The following WDR25 variants were observed in gnomAD, a reference collection of about 807,000 sequenced individuals.
The protein encoded by WDR25 is WD repeat domain 25.
In WDR25, 35 loss-of-function variants were observed where a neutral mutation model predicts 47.7. The ratio of observed to expected loss-of-function variants is 0.73; its 90% CI spans 0.56 to 0.97. The LOEUF is 0.97. Among genes scored for constraint, WDR25 ranks in the 50% least tolerant of loss-of-function variants. The pLI, the probability that WDR25 is intolerant of heterozygous loss-of-function variation, is 0.00. For missense variants in WDR25, 634 were observed against 704.7 expected, an observed-to-expected ratio of 0.90 and a Z score of 1.14; for synonymous variants, 248 against 278.9, an observed-to-expected ratio of 0.89 and a Z score of 1.10.
chr14:100,436,012 G>T (rs755911791), intron 2 of WDR25, among the ~76,000 whole-genome samples: 129 of 152,182 alleles, frequency 8.5e-4, no homozygotes, highest in Admixed American at 2.1e-3. Context: ...GGCCTTAATT[G>T]TCTTCTCTGT....
chr14:100,434,682 G>T (rs2140236989), intron 2 of WDR25, among the ~76,000 whole-genome samples: 1 of 152,244 alleles, frequency 6.6e-6, no homozygotes, highest in South Asian at 2.1e-4. Flanking sequence ...CAAAAGGCAG[G>T]TCTGTACAAA....
chr14:100,421,456 C>G (rs555037652), intron 2 of WDR25, among the ~76,000 whole-genome samples: 1 of 152,328 alleles, frequency 6.6e-6, no homozygotes, highest in East Asian at 1.9e-4. Context: ...CCCTATCACA[C>G]TGTTACCCTT....
At chr14:100,400,375 G>T (rs1595501151) in intron 2 of WDR25, among the ~76,000 whole-genome samples, 1 of 152,354 alleles carries the variant, frequency 6.6e-6, no homozygotes, top group Non-Finnish European at 1.5e-5. Flanking sequence ...GATGGTGGCA[G>T]CCTTGCTGCA....
At chr14:100,396,675 C>T (rs1390783196) in intron 2 of WDR25, among the ~76,000 whole-genome samples, 1 of 152,160 alleles carries the variant, frequency 6.6e-6, no homozygotes, top group Non-Finnish European at 1.5e-5. Context: ...TCTCAGCTGC[C>T]CAGGGAGGAG....
intron 2 of WDR25, among the ~76,000 whole-genome samples, chr14:100,452,590 A>T (rs1899071456): frequency 6.6e-6 from 1 of 151,574 alleles, no homozygotes; most frequent in Non-Finnish European, 1.5e-5. Context: ...GAGGGGGAAG[A>T]TGCTGGAGTG....
chr14:100,427,543 G>A (rs191811962), intron 2 of WDR25, among the ~76,000 whole-genome samples: 3 of 152,270 alleles, frequency 2.0e-5, no homozygotes, highest in Admixed American at 6.5e-5. Context: ...GAGTAGGTGC[G>A]GGCCTTGGAG....
intron 2 of WDR25, among the ~76,000 whole-genome samples, chr14:100,442,559 C>A (rs1898703244): frequency 6.6e-6 from 1 of 152,202 alleles, no homozygotes; most frequent in Non-Finnish European, 1.5e-5. Flanking sequence ...GGTGATCTGT[C>A]CCCTTGTATC....
intron 3 of WDR25, among the ~76,000 whole-genome samples, chr14:100,480,039 C>T (rs1307614849): frequency 2.0e-5 from 3 of 152,146 alleles, no homozygotes; most frequent in East Asian, 3.8e-4. Flanking sequence ...CCAAAAAGGT[C>T]GGGGACTGCT....
Position 100,428,537 on chromosome 14 carries a change from A to C in WDR25, c.823-39484A>C, listed in dbSNP as rs1346479372. Among the ~76,000 whole-genome samples, 1 of 151,880 alleles carries C rather than the reference A, an allele frequency of 6.6e-6. No homozygotes were observed. Among genetic ancestry groups the C allele is most frequent in the Non-Finnish European group, 1.5e-5 (1 of 67,930 alleles). ...ATGGTGCCTGTCTCTCTGCGTTCTT[A>C]GTGGAGGTGGCCCCTGTGGTGGTCC... On this transcript the variant is annotated intron_variant, in intron 2 of 6. Transcript: ENST00000402312. This position sits in a 1 kb window ranked among gnomAD's most constrained non-coding sequence, Gnocchi z 4.3.
intron 3 of WDR25, among the ~76,000 whole-genome samples, chr14:100,478,565 G>C (rs540264246): frequency 6.6e-6 from 1 of 152,284 alleles, no homozygotes; most frequent in South Asian, 2.1e-4. Flanking sequence ...AAATCTTGTA[G>C]TTTTGAACCC....
intron 2 of WDR25, among the ~76,000 whole-genome samples, chr14:100,426,035 C>T (rs1300297815): frequency 2.0e-5 from 3 of 152,246 alleles, no homozygotes; most frequent in Non-Finnish European, 4.4e-5. Context: ...ATGCATTCCA[C>T]AGCTTCACAT....
At chr14:100,444,475 C>A (rs1205963874) in intron 2 of WDR25, among the ~76,000 whole-genome samples, 1 of 152,186 alleles carries the variant, frequency 6.6e-6, no homozygotes, top group South Asian at 2.1e-4. Flanking sequence ...TCCCCCTTAC[C>A]CTAGCTAAGG....
rs186211295 is a variant in WDR25, at chr14:100,430,189, C to T, written c.823-37832C>T. ...GTGTGTGTGTGTGTGTGTGTGTTCC[C>T]GGGAAGGCACATCCTAAGCTTGGCC... On this transcript the variant is annotated intron_variant, in intron 2 of 6. Transcript: ENST00000402312. The surrounding 1 kb of genome is among the most constrained non-coding windows in gnomAD (Gnocchi z 4.7). Among the ~76,000 whole-genome samples, 183 of 145,442 alleles carry T rather than the reference C, an allele frequency of 1.3e-3. 4 individuals carry two copies. The East Asian group carries it at 0.025, about 20-fold the overall frequency.
intron 2 of WDR25, among the ~76,000 whole-genome samples, chr14:100,467,524 C>T (rs1387936740): frequency 2.0e-5 from 3 of 152,136 alleles, no homozygotes; most frequent in East Asian, 1.9e-4. Flanking sequence ...GAGACAGTCT[C>T]GCTGTGTCAC....
rs115119049 is a variant in WDR25 at position 100,528,863 on chromosome 14, C to A, written c.1273-205C>A. On this transcript the variant is annotated intron_variant, in intron 5 of 6. Transcript: ENST00000402312. ...ACATCTTGACTTCAGCCCAGCGAGG[C>A]CTTTTTCAGACTTCCGACTCGCAGG... Among the ~76,000 whole-genome samples the A allele has an allele frequency of 5.4e-3, 829 of 152,322 alleles. 6 individuals carry two copies. Among genetic ancestry groups the A allele is most frequent in the African/African-American group, 0.019 (788 of 41,568 alleles).
intron 2 of WDR25, among the ~76,000 whole-genome samples, chr14:100,415,496 G>A (rs1264826721): frequency 6.6e-6 from 1 of 152,208 alleles, no homozygotes; most frequent in Non-Finnish European, 1.5e-5. Flanking sequence ...AAGGATGTTT[G>A]AATAGCAAGC....
At chr14:100,511,258 A>T (rs10137469) in intron 4 of WDR25, among the ~76,000 whole-genome samples, 64,259 of 151,870 alleles carry the variant, frequency 0.42, 13,998 homozygotes, top group East Asian at 0.64. Context: ...TTTTGTCAGA[A>T]TTTATCCCCA....
At chr14:100,379,587 C>T (rs1189243333) in intron 1 of WDR25, among the ~76,000 whole-genome samples, 1 of 151,472 alleles carries the variant, frequency 6.6e-6, no homozygotes, top group East Asian at 1.9e-4. Flanking sequence ...GGGGCTTTGC[C>T]ATATTGGTCA....
chr14:100,409,010 G>C (rs1595509052), intron 2 of WDR25, among the ~76,000 whole-genome samples: 1 of 152,222 alleles, frequency 6.6e-6, no homozygotes, highest in Non-Finnish European at 1.5e-5. Context: ...TGCTTGTCGA[G>C]ATAACTGAGA....
Sources: allele counts gnomAD v4.1 joint callset (sites outside exome capture counted in the v4.1 genomes callset), GRCh38; gene constraint gnomAD v4.1.1; non-coding constraint Gnocchi (gnomAD v3.1); transcripts MANE v1.5; gene names NCBI Gene and HGNC (gene_info 2026-07-23, HGNC 2026-07-21).